Variants in CDH13 observed in about 807,000 individuals in gnomAD.
The protein encoded by CDH13 is cadherin-13.
Under a neutral mutation model 63.8 loss-of-function variants are expected in CDH13, and 24 were observed. The ratio of observed to expected loss-of-function variants is 0.38; its 90% CI spans 0.27 to 0.53. The LOEUF is 0.53. Among genes scored for constraint, CDH13 ranks in the 20% least tolerant of loss-of-function variants. The pLI is 0.85. For synonymous variants in CDH13, 503 were observed against 355.3 expected (o/e 1.42, Z -4.67); for missense variants, 1,049 against 903.1 (o/e 1.16, Z -2.07).
intron 1 of CDH13, among the ~76,000 whole-genome samples, chr16:82,782,474 C>G (rs1020863890): frequency 1.3e-5 from 2 of 151,698 alleles, no homozygotes; most frequent in African/African-American, 4.8e-5. Flanking sequence ...GTCACTTGAA[C>G]TCGGGAGGCG....
In CDH13 at chr16:83,797,515, C is replaced by T. The variant is rs16961838; in HGVS notation, c.*2485C>T. On this transcript the variant is annotated 3_prime_UTR_variant, in exon 14 of 14. Coordinates refer to ENST00000567109, the MANE Select transcript of CDH13 (RefSeq NM_001257.5). The stretch of plus-strand genomic sequence containing the variant: ...AGATACTTCTGTCATGTTGTTCCTC[C>T]TAATAGTTTCCAGAAAAAAAGGAAA... 6.6e-6 allele frequency: 1 copy of T among 152,154 alleles called. No individual in the cohort carries two copies. The highest frequency in any genetic ancestry group is 2.4e-5 in the African/African-American group (1 of 41,418). 9.4% of individuals were successfully genotyped at this position (152,154 alleles called of 1,614,324 possible).
intron 1 of CDH13, among the ~76,000 whole-genome samples, chr16:82,842,840 T>A (rs1322274804): frequency 4.6e-5 from 7 of 152,162 alleles, no homozygotes; most frequent in African/African-American, 1.7e-4. Flanking sequence ...TGACAGATCA[T>A]CAGGCATTAG....
intron 1 of CDH13, among the ~76,000 whole-genome samples, chr16:82,747,084 C>G (rs181779015): frequency 1.3e-5 from 2 of 152,138 alleles, no homozygotes; most frequent in African/African-American, 4.8e-5. Context: ...AGAAAATATG[C>G]TTTCTCAATA....
chr16:82,856,612 G>A (rs1483988210), intron 1 of CDH13, among the ~76,000 whole-genome samples: 1 of 143,978 alleles, frequency 6.9e-6, no homozygotes, highest in Admixed American at 7.2e-5. Flanking sequence ...TGAGGTGGGA[G>A]GATCGCTTGA....
chr16:82,821,334 C>T (rs555680647), intron 1 of CDH13, among the ~76,000 whole-genome samples: 8 of 152,270 alleles, frequency 5.3e-5, no homozygotes, highest in Non-Finnish European at 1.0e-4. Context: ...ATAATATTGG[C>T]ATAAGGCTAT....
chr16:82,734,203 C>T (rs1003784078), intron 1 of CDH13, among the ~76,000 whole-genome samples: 1 of 152,210 alleles, frequency 6.6e-6, no homozygotes, highest in Non-Finnish European at 1.5e-5. Context: ...TCCATTGGAT[C>T]TCAGCCAGGC....
chr16:82,711,446 T>C (rs1226849933), intron 1 of CDH13, among the ~76,000 whole-genome samples: 2 of 152,170 alleles, frequency 1.3e-5, no homozygotes, highest in Non-Finnish European at 1.5e-5. Flanking sequence ...CAGCTTGGAC[T>C]CTGGCCCTTC....
intron 4 of CDH13, among the ~76,000 whole-genome samples, chr16:83,208,146 A>G (rs2039236521): frequency 6.6e-6 from 1 of 152,010 alleles, no homozygotes; most frequent in Non-Finnish European, 1.5e-5. Context: ...GTGGGTGTGG[A>G]GCTTCTGTCC....
intron 1 of CDH13, among the ~76,000 whole-genome samples, chr16:82,743,445 T>C: frequency 6.6e-6 from 1 of 152,040 alleles, no homozygotes; most frequent in East Asian, 1.9e-4. Flanking sequence ...CCCAGGATAG[T>C]CTCAAACGAT....
intron 6 of CDH13, among the ~76,000 whole-genome samples, chr16:83,461,984 G>C (rs1219456327): frequency 6.6e-6 from 1 of 152,220 alleles, no homozygotes; most frequent in Non-Finnish European, 1.5e-5. Flanking sequence ...CATGTGTGCT[G>C]AAAGGTGGGC....
At chr16:83,135,601 T>G (rs2036246086) in intron 4 of CDH13, among the ~76,000 whole-genome samples, 1 of 152,184 alleles carries the variant, frequency 6.6e-6, no homozygotes, top group Non-Finnish European at 1.5e-5. Flanking sequence ...TAAGCCACTA[T>G]GGAAAACAGT....
intron 5 of CDH13, among the ~76,000 whole-genome samples, chr16:83,238,387 A>T (rs1264577040): frequency 6.6e-6 from 1 of 152,150 alleles, no homozygotes; most frequent in Non-Finnish European, 1.5e-5. Flanking sequence ...TCTGAGACTT[A>T]TTCACTATCA....
At chr16:83,346,635 C>G (rs2090845893) in intron 6 of CDH13, among the ~76,000 whole-genome samples, 1 of 152,132 alleles carries the variant, frequency 6.6e-6, no homozygotes, top group Non-Finnish European at 1.5e-5. Flanking sequence ...GTCCAATTTT[C>G]CTCCCACTGT....
chr16:82,707,223 C>G (rs1282931029), intron 1 of CDH13, among the ~76,000 whole-genome samples: 1 of 152,218 alleles, frequency 6.6e-6, no homozygotes, highest in Non-Finnish European at 1.5e-5. Context: ...TCTCCATTAA[C>G]TGAACAAAAG....
chr16:82,794,684 G>T (rs973384859), intron 1 of CDH13, among the ~76,000 whole-genome samples: 1 of 152,088 alleles, frequency 6.6e-6, no homozygotes, highest in African/African-American at 2.4e-5. Context: ...CCATGCCTTA[G>T]CCAAACACCC....
At chr16:82,769,816 A>G (rs1419121360) in intron 1 of CDH13, among the ~76,000 whole-genome samples, 1 of 152,230 alleles carries the variant, frequency 6.6e-6, no homozygotes, top group African/African-American at 2.4e-5. Context: ...ATGCATTGCA[A>G]TTAAAAAGCA....
At chr16:83,155,554 C>T (rs1389218656) in intron 4 of CDH13, among the ~76,000 whole-genome samples, 2 of 152,250 alleles carry the variant, frequency 1.3e-5, no homozygotes, top group Non-Finnish European at 1.5e-5. Flanking sequence ...GCTCTTTCCC[C>T]TCAACAGTGC....
At chr16:82,883,458 T>C (rs974362925) in intron 2 of CDH13, among the ~76,000 whole-genome samples, 4 of 152,206 alleles carry the variant, frequency 2.6e-5, no homozygotes, top group African/African-American at 9.6e-5. Flanking sequence ...ACAATGAGTA[T>C]GATCAGGCTG....
At chr16:83,439,608 T>A (rs2072424844) in intron 6 of CDH13, among the ~76,000 whole-genome samples, 1 of 152,210 alleles carries the variant, frequency 6.6e-6, no homozygotes, top group Non-Finnish European at 1.5e-5. Flanking sequence ...GCAGCTATTG[T>A]TTTAGCCAGG....
Sources: allele counts gnomAD v4.1 joint callset (sites outside exome capture counted in the v4.1 genomes callset), GRCh38; gene constraint gnomAD v4.1.1; transcripts MANE v1.5; gene names NCBI Gene and HGNC (gene_info 2026-07-23, HGNC 2026-07-21).